COBL: variants seen among roughly 807,000 people sequenced by gnomAD.
COBL encodes the protein cordon-bleu WH2 repeat protein.
In COBL, 51 loss-of-function variants were observed where a neutral mutation model predicts 98.8. The ratio of observed to expected loss-of-function variants is 0.52; its 90% confidence interval spans 0.41 to 0.65. COBL has a LOEUF of 0.65. COBL is among the 30% of genes least tolerant of loss of function. The pLI is 0.00. For synonymous variants in COBL, 634 were observed against 651.7 expected, an observed-to-expected ratio of 0.97 and a Z score of 0.41; for missense variants, 1,617 against 1,617.5, an observed-to-expected ratio of 1.00 and a Z score of 0.01.
chr7:51,249,773 A>G (rs1384565029), intron 1 of COBL, among the ~76,000 whole-genome samples: 1 of 152,174 alleles, frequency 6.6e-6, no homozygotes, highest in African/African-American at 2.4e-5. Context: ...CTCACATTCA[A>G]ACCCTCTGCA....
chr7:51,106,369 CCT>C (rs1183940997), intron 6 of COBL, among the ~76,000 whole-genome samples: 31 of 152,216 alleles, frequency 2.0e-4, no homozygotes, highest in African/African-American at 7.0e-4. Flanking sequence ...AGTGCCGACC[CCT>C]GTGTGTAAGG....
intron 6 of COBL, among the ~76,000 whole-genome samples, chr7:51,133,306 T>G (rs1042358415): frequency 1.3e-5 from 2 of 152,232 alleles, no homozygotes; most frequent in African/African-American, 4.8e-5. Context: ...GCTAACTTTA[T>G]GGAAAACTGC....
At chr7:51,152,534 AG>A (rs1785663525) in intron 5 of COBL, among the ~76,000 whole-genome samples, 1 of 152,212 alleles carries the variant, frequency 6.6e-6, no homozygotes, top group Admixed American at 6.5e-5. Context: ...TCAGACCTAA[AG>A]CAAGAGAAAA....
chr7:51,050,285 T>G (rs1790108897), intron 7 of COBL, among the ~76,000 whole-genome samples: 1 of 152,208 alleles, frequency 6.6e-6, no homozygotes, highest in Non-Finnish European at 1.5e-5. Flanking sequence ...TGAACCAAAC[T>G]CTAGTCCTAG....
In COBL at chr7:51,222,138, G is replaced by A. The variant is rs375473404; in HGVS notation, c.42-2194C>T. ...TGGGAAGCAGAGGTTGCAGTGAGCC[G>A]AGATCGCACCACTGCACCCCAGCCT... On this transcript the variant is annotated intron_variant, in intron 1 of 12. Transcript: ENST00000265136. Among the ~76,000 whole-genome samples, 45 of 152,198 alleles carry A rather than the reference G, an allele frequency of 3.0e-4. No homozygotes were observed. In the East Asian group the frequency reaches 3.7e-3, roughly 12 times the overall value.
chr7:51,084,185 C>T (rs572490046), intron 7 of COBL, among the ~76,000 whole-genome samples: 3 of 152,288 alleles, frequency 2.0e-5, no homozygotes, highest in South Asian at 2.1e-4. Flanking sequence ...GGGAAAGACG[C>T]TGACAAACTG....
At chr7:51,107,096 T>G (rs891860438) in intron 6 of COBL, among the ~76,000 whole-genome samples, 113 of 144,994 alleles carry the variant, frequency 7.8e-4, no homozygotes, top group African/African-American at 1.5e-3. Context: ...TTGTTTGTTT[T>G]TTTTTTTTTT....
intron 1 of COBL, among the ~76,000 whole-genome samples, chr7:51,299,232 C>A (rs1402414365): frequency 2.0e-5 from 3 of 152,138 alleles, no homozygotes; most frequent in Non-Finnish European, 4.4e-5. Context: ...CTAACGAATG[C>A]GTGAGCCAGC....
intron 7 of COBL, among the ~76,000 whole-genome samples, chr7:51,080,576 G>A (rs187725012): frequency 1.5e-4 from 23 of 152,334 alleles, no homozygotes; most frequent in African/African-American, 5.3e-4. Flanking sequence ...GAAGCAGTGA[G>A]AGAGCTTCTG....
At chr7:51,042,917 T>C (rs1360993611) in intron 8 of COBL, among the ~76,000 whole-genome samples, 1 of 152,188 alleles carries the variant, frequency 6.6e-6, no homozygotes, top group African/African-American at 2.4e-5. Flanking sequence ...TGCATAAGCA[T>C]TTCAGGTATC....
At chr7:51,065,877 T>A (rs112301113) in intron 7 of COBL, among the ~76,000 whole-genome samples, 266 of 152,270 alleles carry the variant, frequency 1.7e-3, no homozygotes, top group Non-Finnish European at 3.1e-3. Context: ...GGTGTCCTTA[T>A]AAGAGAATGT....
At chr7:51,245,125 C>T (rs1796177103) in intron 1 of COBL, among the ~76,000 whole-genome samples, 1 of 152,164 alleles carries the variant, frequency 6.6e-6, no homozygotes, top group Non-Finnish European at 1.5e-5. Flanking sequence ...TTCCTCCACA[C>T]TCTAACGGAC....
chr7:51,158,572 A>ATC (rs1339892032), intron 5 of COBL, among the ~76,000 whole-genome samples: 1 of 152,224 alleles, frequency 6.6e-6, no homozygotes, highest in Non-Finnish European at 1.5e-5. Flanking sequence ...GGATTTAAGA[A>ATC]GATCCCAGTC....
chr7:51,089,780 C>T (rs1794641805), intron 6 of COBL, among the ~76,000 whole-genome samples: 3 of 152,060 alleles, frequency 2.0e-5, no homozygotes. Context: ...GAAATAATCA[C>T]AAGCAAGCTA....
At chr7:51,312,237 A>C (rs1803127909) in intron 1 of COBL, among the ~76,000 whole-genome samples, 1 of 152,130 alleles carries the variant, frequency 6.6e-6, no homozygotes, top group Non-Finnish European at 1.5e-5. Flanking sequence ...AGGCTGAGGC[A>C]GGAGAATCGC....
intron 6 of COBL, among the ~76,000 whole-genome samples, chr7:51,106,272 T>C (rs1796261855): frequency 6.6e-6 from 1 of 151,856 alleles, no homozygotes; most frequent in Admixed American, 6.6e-5. Flanking sequence ...ATTCTGAACC[T>C]TACATGTTCC....
At chr7:51,310,758 A>C (rs927604751) in intron 1 of COBL, among the ~76,000 whole-genome samples, 14 of 152,162 alleles carry the variant, frequency 9.2e-5, no homozygotes, top group African/African-American at 3.4e-4. Flanking sequence ...CTCCCGGTTC[A>C]AGCGATTCTC....
At position 51,106,871 on chromosome 7, in the gene COBL, CTT is replaced by C. The variant is rs11334432; in HGVS notation, c.958-21569_958-21568del. 2.6e-5 allele frequency among the ~76,000 whole-genome samples: 4 copies of C among 151,450 alleles called. No homozygotes were observed. The South Asian group carries it at 8.3e-4, about 32-fold the overall frequency. On this transcript the variant is annotated intron_variant, in intron 6 of 12. Coordinates refer to ENST00000265136, the MANE Select transcript of COBL (RefSeq NM_015198.5). Reference sequence around the variant, plus strand: ...AGAAACAAAAGTTGCTGTTTAAGTCCTTTTTTTTTCTACCTGACTGAGAACAA... The same window carrying C: ...AGAAACAAAAGTTGCTGTTTAAGTCCTTTTTTTCTACCTGACTGAGAACAA...
At chr7:51,097,663 T>C (rs1795396973) in intron 6 of COBL, among the ~76,000 whole-genome samples, 1 of 152,088 alleles carries the variant, frequency 6.6e-6, no homozygotes, top group African/African-American at 2.4e-5. Context: ...CAATAAACAA[T>C]CTAAAAAGGA....
Sources: allele counts gnomAD v4.1 joint callset (sites outside exome capture counted in the v4.1 genomes callset), GRCh38; gene constraint gnomAD v4.1.1; transcripts MANE v1.5; gene names NCBI Gene and HGNC (gene_info 2026-07-23, HGNC 2026-07-21).